The following EFCAB13 variants were observed in gnomAD, a reference collection of about 807,000 sequenced individuals.
EFCAB13 encodes the protein EF-hand calcium-binding domain-containing protein 13.
In EFCAB13, 91 loss-of-function variants were observed where a neutral mutation model predicts 110.2. That is an observed-to-expected ratio of 0.83 (90% CI 0.70 to 0.98). The LOEUF (loss-of-function observed/expected upper bound fraction) is 0.98. EFCAB13 is among the 50% of genes least tolerant of loss of function. The pLI is 0.00. For synonymous variants in EFCAB13, 323 were observed against 369.9 expected (o/e 0.87, Z 1.45); for missense variants, 968 against 1,119.4 (o/e 0.86, Z 1.93).
intron 2 of EFCAB13, among the ~76,000 whole-genome samples, chr17:47,324,835 A>G (rs879598486): frequency 6.6e-6 from 1 of 150,460 alleles, no homozygotes; most frequent in Non-Finnish European, 1.5e-5. Context: ...TTCTCTTAAC[A>G]ACGTAACTCC....
chr17:47,326,434 C>T (rs2065286597), intron 3 of EFCAB13, 47 bp downstream of exon 3: 1 of 152,046 alleles, frequency 6.6e-6, no homozygotes, highest in Non-Finnish European at 1.5e-5. Flanking sequence ...TCCCTCTCTC[C>T]CTCTCTTTTC....
In EFCAB13 at chr17:47,345,098, G is replaced by A; in HGVS notation, c.517G>A (p.Ala173Thr). The A allele has an allele frequency of 1.3e-6, 2 of 1,578,374 alleles. No individual in the cohort carries two copies. The highest frequency in any genetic ancestry group is 1.7e-6 in the Non-Finnish European group (2 of 1,162,426). ...ATATTTACACTCAAAAGAATTAAGTGGTAATAAGAGGTTCTAAAATTTCTT... is the reference window on the plus strand; with the variant it reads ...ATATTTACACTCAAAAGAATTAAGTAGTAATAAGAGGTTCTAAAATTTCTT... The part of the protein sequence containing the change: ...HGYLHSKELS[A>T]LHKACKIFSK... The change falls in exon 8 of 25, where the codon GCA becomes ACA. Residue 173 changes from alanine (A) to threonine (T), a missense_variant and splice_region_variant. Coordinates refer to ENST00000331493, the MANE Select transcript of EFCAB13 (RefSeq NM_152347.5).
intron 8 of EFCAB13, among the ~76,000 whole-genome samples, chr17:47,346,848 G>C (rs1489056078): frequency 6.6e-6 from 1 of 152,074 alleles, no homozygotes; most frequent in African/African-American, 2.4e-5. Context: ...GTTTTCATTA[G>C]TTGCTGAATT....
In EFCAB13 at chr17:47,373,819, C is replaced by T. The variant is rs529331092; in HGVS notation, c.878-653C>T. 5.3e-5 allele frequency among the ~76,000 whole-genome samples: 8 copies of T among 152,078 alleles called. No individual in the cohort carries two copies. The South Asian group carries it at 1.7e-3, about 32-fold the overall frequency. ...TTATTTCCTCTAGGCAAAATTTATT[C>T]ATAGTTGAGATTATATTGCTGCTGC... is the stretch of plus-strand genomic sequence containing the variant. On this transcript the variant is annotated intron_variant, in intron 11 of 24. Coordinates refer to ENST00000331493, the MANE Select transcript of EFCAB13 (RefSeq NM_152347.5).
chr17:47,373,525 T>C (rs2065597338), intron 11 of EFCAB13, among the ~76,000 whole-genome samples: 1 of 152,140 alleles, frequency 6.6e-6, no homozygotes, highest in African/African-American at 2.4e-5. Context: ...CTTATGTTGA[T>C]GTCTCTGCAT....
intron 2 of EFCAB13, among the ~76,000 whole-genome samples, chr17:47,325,165 C>T (rs1423782236): frequency 6.7e-6 from 1 of 148,954 alleles, no homozygotes; most frequent in Non-Finnish European, 1.5e-5. Context: ...GGACTAAGGT[C>T]GCCATGTCCA....
chr17:47,342,455 A>G (rs2065391289), intron 6 of EFCAB13, among the ~76,000 whole-genome samples: 2 of 152,060 alleles, frequency 1.3e-5, no homozygotes, highest in African/African-American at 4.8e-5. Flanking sequence ...CACGTCTGTC[A>G]TTGTATATTT....
intron 23 of EFCAB13, among the ~76,000 whole-genome samples, chr17:47,415,802 C>A (rs1001090531): frequency 9.9e-5 from 15 of 152,080 alleles, no homozygotes; most frequent in Admixed American, 8.5e-4. Flanking sequence ...CTGTATTATT[C>A]TTAATACCAC....
chr17:47,436,715 G>A (rs931179553), intron 24 of EFCAB13, among the ~76,000 whole-genome samples: 1 of 151,030 alleles, frequency 6.6e-6, no homozygotes, highest in South Asian at 2.1e-4. Flanking sequence ...TCTTTTTAAA[G>A]AACCAGCTTT....
intron 4 of EFCAB13, among the ~76,000 whole-genome samples, chr17:47,328,634 T>C (rs1157760425): frequency 6.6e-6 from 1 of 152,170 alleles, no homozygotes; most frequent in Non-Finnish European, 1.5e-5. Flanking sequence ...CGGACCTGGA[T>C]AATTTTTGTG....
chr17:47,399,985 G>A (rs959578970), intron 17 of EFCAB13, among the ~76,000 whole-genome samples: 1 of 152,148 alleles, frequency 6.6e-6, no homozygotes, highest in Non-Finnish European at 1.5e-5. Context: ...ATCCATAGGC[G>A]AAGAATTAGA....
At chr17:47,332,213 C>T (rs1308959055) in intron 4 of EFCAB13, among the ~76,000 whole-genome samples, 1 of 152,090 alleles carries the variant, frequency 6.6e-6, no homozygotes, top group Admixed American at 6.6e-5. Flanking sequence ...GCTTCACATC[C>T]TTGCCAGCAT....
chr17:47,385,267 C>T (rs1403695434), intron 14 of EFCAB13, among the ~76,000 whole-genome samples: 1 of 152,162 alleles, frequency 6.6e-6, no homozygotes, highest in Admixed American at 6.5e-5. Flanking sequence ...TCCCCTGTCA[C>T]TTTCAGGGAC....
chr17:47,421,109 C>T (rs1904687191), intron 23 of EFCAB13, among the ~76,000 whole-genome samples: 1 of 151,636 alleles, frequency 6.6e-6, no homozygotes, highest in African/African-American at 2.4e-5. Flanking sequence ...AAGTGAGGAG[C>T]CCCTCTGCCC....
intron 23 of EFCAB13, among the ~76,000 whole-genome samples, chr17:47,416,291 C>A (rs1200122967): frequency 6.6e-6 from 1 of 152,128 alleles, no homozygotes; most frequent in African/African-American, 2.4e-5. Flanking sequence ...CCATTCCCAC[C>A]TCTCTCCAGC....
At chr17:47,354,001 A>T (rs978162875) in intron 9 of EFCAB13, among the ~76,000 whole-genome samples, 2 of 151,922 alleles carry the variant, frequency 1.3e-5, no homozygotes, top group African/African-American at 2.4e-5. Context: ...AGACTTTTTG[A>T]TGTAGTCATT....
At chr17:47,433,151 T>C (rs773071513) in intron 24 of EFCAB13, among the ~76,000 whole-genome samples, 5 of 152,194 alleles carry the variant, frequency 3.3e-5, no homozygotes, top group African/African-American at 9.7e-5. Context: ...CATGACACTT[T>C]GGAAGAGTAT....
At chr17:47,422,024 A>ATC (rs1904736946) in intron 23 of EFCAB13, among the ~76,000 whole-genome samples, 1 of 152,238 alleles carries the variant, frequency 6.6e-6, no homozygotes, top group African/African-American at 2.4e-5. Flanking sequence ...TTCAGTCCCC[A>ATC]TCATGACCAC....
chr17:47,361,324 G>C (rs56100955), intron 9 of EFCAB13, 54 bp from the exon 10 acceptor site: 134,084 of 1,578,452 alleles, frequency 0.085, 8,199 homozygotes, highest in East Asian at 0.34. Context: ...AAAATCAACT[G>C]CTTTTCCAAG....
Sources: gnomAD v4.1 joint callset for allele counts (sites outside exome capture counted in the v4.1 genomes callset) on GRCh38, gnomAD v4.1.1 for gene constraint, MANE v1.5 for transcripts, NCBI Gene and HGNC (gene_info 2026-07-23, HGNC 2026-07-21) for gene names.